CADPS: variants seen among roughly 807,000 people sequenced by gnomAD.
CADPS encodes calcium-dependent secretion activator 1.
Under a neutral mutation model 167.3 loss-of-function variants are expected in CADPS, and 57 were observed. The observed-to-expected ratio is 0.34, with a 90% CI of 0.28 to 0.42. CADPS has a LOEUF of 0.42. Ranked by LOEUF, CADPS falls within the 20% of genes least tolerant of loss-of-function variation. The pLI is 1.00. For missense variants in CADPS, 1,414 were observed against 1,738.1 expected, an observed-to-expected ratio of 0.81 and a Z score of 3.32; for synonymous variants, 676 against 635.3, an observed-to-expected ratio of 1.06 and a Z score of -0.96.
intron 10 of CADPS, chr3:62,550,730 T>A (rs941117062): frequency 4.5e-6 from 2 of 449,032 alleles, no homozygotes; most frequent in Non-Finnish European, 9.0e-6. Flanking sequence ...ATCAGGCTGC[T>A]GCCCCACTGA....
At chr3:62,690,730 G>A (rs34819490) in intron 3 of CADPS, among the ~76,000 whole-genome samples, 72,885 of 151,460 alleles carry the variant, frequency 0.48, 18,773 homozygotes, top group East Asian at 0.86. Flanking sequence ...AGGGGTGAGG[G>A]AGAGAACCCA....
chr3:62,477,290 T>G (rs2061441366), intron 23 of CADPS, among the ~76,000 whole-genome samples: 1 of 149,318 alleles, frequency 6.7e-6, no homozygotes, highest in African/African-American at 2.5e-5. Flanking sequence ...AGATTTGGAG[T>G]AGCCTGTGCT....
At chr3:62,447,256 C>G (rs6445271) in intron 26 of CADPS, among the ~76,000 whole-genome samples, 93,852 of 152,032 alleles carry the variant, frequency 0.62, 29,741 homozygotes, top group Middle Eastern at 0.74. Flanking sequence ...AATGAGAAAA[C>G]GCATGAGAAA....
At chr3:62,613,945 C>T (rs1229562208) in intron 6 of CADPS, among the ~76,000 whole-genome samples, 3 of 152,134 alleles carry the variant, frequency 2.0e-5, no homozygotes, top group Non-Finnish European at 4.4e-5. Flanking sequence ...CCCTACTCCC[C>T]TCTGTGCTCC....
At chr3:62,426,936 A>G (rs867363090) in intron 28 of CADPS, among the ~76,000 whole-genome samples, 1 of 151,722 alleles carries the variant, frequency 6.6e-6, no homozygotes, top group Non-Finnish European at 1.5e-5. Context: ...TTAGCTGGGC[A>G]TGGTGGCAGG....
intron 6 of CADPS, among the ~76,000 whole-genome samples, chr3:62,605,178 G>A (rs1231167049): frequency 1.3e-5 from 2 of 151,854 alleles, no homozygotes; most frequent in Non-Finnish European, 1.5e-5. Flanking sequence ...CAGGGGAATT[G>A]TAAAATGCAT....
intron 5 of CADPS, among the ~76,000 whole-genome samples, chr3:62,647,636 C>T (rs376367383): frequency 1.1e-4 from 17 of 152,194 alleles, no homozygotes; most frequent in Middle Eastern, 3.4e-3. Context: ...GTGTGAGGAT[C>T]AAATGAGACG....
At chr3:62,713,525 C>T (rs9849251) in intron 3 of CADPS, among the ~76,000 whole-genome samples, 98,082 of 152,120 alleles carry the variant, frequency 0.64, 31,960 homozygotes, top group East Asian at 0.77. Context: ...TTATTTGGCA[C>T]GTAATTAAAA....
intron 7 of CADPS, among the ~76,000 whole-genome samples, chr3:62,587,143 G>T (rs1409700359): frequency 6.6e-6 from 1 of 152,154 alleles, no homozygotes; most frequent in Non-Finnish European, 1.5e-5. Context: ...TTTCTTGTTT[G>T]CCAGGCTTGC....
intron 17 of CADPS, chr3:62,499,558 A>T (rs2065373722): frequency 8.5e-6 from 2 of 235,156 alleles, no homozygotes; most frequent in East Asian, 1.7e-4. Context: ...TTTTGTACAC[A>T]TGTTCTTTAA....
intron 6 of CADPS, chr3:62,625,283 A>G (rs1219493611): frequency 6.6e-6 from 1 of 150,638 alleles, no homozygotes; most frequent in Non-Finnish European, 1.5e-5. Flanking sequence ...TAGATTATCC[A>G]AGTATAACGG....
At chr3:62,871,437 G>C (rs1159362866) in intron 1 of CADPS, among the ~76,000 whole-genome samples, 1 of 152,074 alleles carries the variant, frequency 6.6e-6, no homozygotes, top group African/African-American at 2.4e-5. Context: ...TCAATTCAGA[G>C]AGAAATAACT....
chr3:62,720,932 C>G (rs1298730159), intron 3 of CADPS, among the ~76,000 whole-genome samples: 3 of 151,404 alleles, frequency 2.0e-5, no homozygotes, highest in Non-Finnish European at 4.4e-5. Flanking sequence ...ATTCTCCTGC[C>G]TCAGCCTCCT....
intron 3 of CADPS, among the ~76,000 whole-genome samples, chr3:62,705,699 T>A (rs186950990): frequency 6.6e-6 from 1 of 152,246 alleles, no homozygotes; most frequent in East Asian, 1.9e-4. Context: ...TTCTTCAGCT[T>A]TGGGACTCAG....
chr3:62,437,340 C>CTTT (rs11295364), intron 28 of CADPS, among the ~76,000 whole-genome samples: 5 of 128,208 alleles, frequency 3.9e-5, no homozygotes, highest in African/African-American at 5.8e-5. Flanking sequence ...AAGCAGGTTC[C>CTTT]TTTTTTTTTT....
rs373413828 is a variant in CADPS at position 62,399,345 on chromosome 3, C to T, written c.*61G>A. On this transcript the variant is annotated 3_prime_UTR_variant, in exon 30 of 30. Transcript: ENST00000383710. The surrounding 1 kb of genome is among the most constrained non-coding windows in gnomAD (Gnocchi z 5.6). ...GAAAATTCCTAATGGGTTTAACTAA[C>T]AGACTAAGGACATGCACTGATTACA... 5 of 1,508,372 alleles carry T rather than the reference C, an allele frequency of 3.3e-6. No homozygotes were observed. In the South Asian group the frequency reaches 6.0e-5, roughly 18 times the overall value. 93.4% of individuals were successfully genotyped at this position (1,508,372 alleles called of 1,614,324 possible).
chr3:62,487,225 G>A (rs2062967305), intron 21 of CADPS, among the ~76,000 whole-genome samples: 1 of 152,182 alleles, frequency 6.6e-6, no homozygotes, highest in Non-Finnish European at 1.5e-5. Flanking sequence ...AAGGTAGTAG[G>A]CAAGGGTGGT....
At chr3:62,845,400 T>G (rs1297498798) in intron 1 of CADPS, among the ~76,000 whole-genome samples, 1 of 152,204 alleles carries the variant, frequency 6.6e-6, no homozygotes, top group African/African-American at 2.4e-5. Flanking sequence ...ACTTTAACTC[T>G]GTGTCTCAGT....
intron 7 of CADPS, among the ~76,000 whole-genome samples, chr3:62,587,737 C>T (rs1287499944): frequency 6.6e-6 from 1 of 152,208 alleles, no homozygotes; most frequent in Non-Finnish European, 1.5e-5. Context: ...AGCCGCAGCT[C>T]ATTACCGGCT....
Sources: gnomAD v4.1 joint callset for allele counts (sites outside exome capture counted in the v4.1 genomes callset) on GRCh38, gnomAD v4.1.1 for gene constraint, Gnocchi (gnomAD v3.1) non-coding constraint, MANE v1.5 for transcripts, NCBI Gene and HGNC (gene_info 2026-07-23, HGNC 2026-07-21) for gene names.